Variants in SLC11A2 observed in about 807,000 individuals in gnomAD.
SLC11A2 encodes the protein natural resistance-associated macrophage protein 2.
Under a neutral mutation model 68.0 loss-of-function variants are expected in SLC11A2, and 38 were observed. The observed-to-expected ratio is 0.56, with a 90% CI of 0.43 to 0.73. The LOEUF (loss-of-function observed/expected upper bound fraction) is 0.73, where lower values mean the gene tolerates loss of function less well. Among genes scored for constraint, SLC11A2 ranks in the 30% least tolerant of loss-of-function variants. SLC11A2 has a pLI of 0.00. For synonymous variants in SLC11A2, 242 were observed against 250.6 expected (o/e 0.97, Z 0.32); for missense variants, 517 against 690.5 (o/e 0.75, Z 2.82).
chr12:50,993,992 C>CAAAAAAAAAAAAAAAAAAAAAAAA lies in SLC11A2; in HGVS notation c.1077+528_1077+551dup, dbSNP rs71663850. Among the ~76,000 whole-genome samples the CAAAAAAAAAAAAAAAAAAAAAAAA allele has an allele frequency of 1.2e-4, 6 of 48,400 alleles. 1 individual carries two copies. The highest frequency in any genetic ancestry group is 2.2e-4 in the Non-Finnish European group (6 of 27,356). The allele number at this position is 48,400 out of a possible 152,430, so 31.8% of individuals were successfully genotyped here. On this transcript the variant is annotated intron_variant, in intron 11 of 15. Transcript: ENST00000262052. ...GGGCAACAGAGCAAGACCTTGTCTC[C>CAAAAAAAAAAAAAAAAAAAAAAAA]AAAAAAAAAAAAAAAAAAAAAAAAA... is the stretch of plus-strand genomic sequence containing the variant.
intron 7 of SLC11A2, 50 bp downstream of exon 7, chr12:50,999,295 C>T (rs533955649): frequency 1.2e-6 from 2 of 1,608,418 alleles, no homozygotes; most frequent in Admixed American, 1.7e-5. Flanking sequence ...CCCCATCTGC[C>T]ACATGACAGA....
At chr12:50,969,835 ATG>A in the SLC11A2 span, among the ~76,000 whole-genome samples, 2 of 152,162 alleles carry the variant, frequency 1.3e-5, no homozygotes, top group Non-Finnish European at 2.9e-5. Flanking sequence ...TGGTGGTGGT[ATG>A]TGAGTTGTAG....
the SLC11A2 span, among the ~76,000 whole-genome samples, chr12:50,962,690 C>T: frequency 2.0e-5 from 3 of 152,144 alleles, no homozygotes; most frequent in Admixed American, 6.5e-5. Context: ...GAGCAAGACT[C>T]CATCTCAAAA....
At chr12:50,999,683 G>A (rs1318507329) in intron 6 of SLC11A2, 1 of 472,348 alleles carries the variant, frequency 2.1e-6, no homozygotes, top group African/African-American at 2.0e-5. Context: ...GAGTTAGACA[G>A]ATAGAATTTT....
intron 11 of SLC11A2, chr12:50,993,166 G>C: frequency 2.7e-6 from 1 of 376,128 alleles, no homozygotes; most frequent in Non-Finnish European, 4.8e-6. Context: ...TCTTCTCCAA[G>C]CTCCTAAACC....
intron 1 of SLC11A2, among the ~76,000 whole-genome samples, chr12:51,023,084 C>T (rs944372462): frequency 6.6e-6 from 1 of 152,176 alleles, no homozygotes; most frequent in African/African-American, 2.4e-5. Context: ...GCCTTGAAGG[C>T]TCTTCTTTGT....
chr12:51,025,937 C>T (rs1354285131), intron 1 of SLC11A2: 5 of 999,528 alleles, frequency 5.0e-6, no homozygotes, highest in Non-Finnish European at 6.0e-6. Context: ...TTGCCCTGTG[C>T]CCGTCGGCCT....
At chr12:51,008,710 T>C (rs992068263) in intron 2 of SLC11A2, 86 bp from the exon 3 acceptor site, 3 of 1,088,334 alleles carry the variant, frequency 2.8e-6, no homozygotes, top group Middle Eastern at 2.4e-4. Context: ...AATTAAATAG[T>C]TTAATATCTA....
rs1329440854 is a variant in SLC11A2 at position 50,987,155 on chromosome 12, T to C, written c.*1170A>G. 2 of 1,283,192 alleles carry C rather than the reference T, an allele frequency of 1.6e-6. No homozygotes were observed. The highest frequency in any genetic ancestry group is 3.0e-5 in the African/African-American group (2 of 65,692). 79.5% of individuals were successfully genotyped at this position (1,283,192 alleles called of 1,614,324 possible). A position where few individuals can be genotyped will look rare whatever the true frequency, so the allele number is the denominator to read the frequency against. Reference sequence around the variant, plus strand: ...CCTCTGACTCCAGAGCTCCACCATCTGGTCTCAAGATTTTTCCCTCTGAGG... The same window carrying C: ...CCTCTGACTCCAGAGCTCCACCATCCGGTCTCAAGATTTTTCCCTCTGAGG... On this transcript the variant is annotated 3_prime_UTR_variant, in exon 16 of 16. Coordinates refer to ENST00000262052, the MANE Select transcript of SLC11A2 (RefSeq NM_000617.3).
the SLC11A2 span, among the ~76,000 whole-genome samples, chr12:50,974,337 G>A: frequency 1.3e-5 from 2 of 152,004 alleles, no homozygotes; most frequent in African/African-American, 2.4e-5. Context: ...CCAATATTCA[G>A]CATTCTTAAA....
rs530010853 is a variant in SLC11A2, at chr12:51,026,270, G to T, written c.-39+40C>A. The T allele has an allele frequency of 8.9e-5, 107 of 1,208,032 alleles. 1 individual carries two copies. The African/African-American group carries it at 1.5e-3, about 17-fold the overall frequency. 74.8% of individuals were successfully genotyped at this position (1,208,032 alleles called of 1,614,324 possible). ...CCGCCCCGCGCCCCTCCCTGCCAGC[G>T]AGCGGAATGCCGTGACCCCTGACCT... On this transcript the variant is annotated intron_variant, in intron 1 of 15. Transcript: ENST00000262052.
intron 1 of SLC11A2, among the ~76,000 whole-genome samples, chr12:51,020,425 G>A (rs576997129): frequency 6.6e-6 from 1 of 152,250 alleles, no homozygotes; most frequent in South Asian, 2.1e-4. Flanking sequence ...ATGGTAAACA[G>A]TGAAAAGCCC....
intron 8 of SLC11A2, 120 bp from the exon 9 acceptor site, chr12:50,997,092 T>A: frequency 1.2e-6 from 1 of 821,568 alleles, no homozygotes; most frequent in Non-Finnish European, 2.0e-6. Flanking sequence ...TTTTTATATT[T>A]TTTGAGATAG....
At chr12:50,972,689 G>A in the SLC11A2 span, among the ~76,000 whole-genome samples, 864 of 152,360 alleles carry the variant, frequency 5.7e-3, 7 homozygotes, top group Non-Finnish European at 7.7e-3. Flanking sequence ...GAAGCAGGGC[G>A]AGGCATCGCC....
chr12:50,961,923 T>C, the SLC11A2 span, among the ~76,000 whole-genome samples: 4 of 152,204 alleles, frequency 2.6e-5, no homozygotes, highest in Non-Finnish European at 4.4e-5. Context: ...TACTACAAAG[T>C]TACAGTCCTC....
chr12:50,986,887 T>G lies in SLC11A2; in HGVS notation c.*1438A>C. 1.6e-6 allele frequency: 2 copies of G among 1,287,186 alleles called. No homozygotes were observed. The highest frequency in any genetic ancestry group is 2.0e-6 in the Non-Finnish European group (2 of 988,694). The allele number at this position is 1,287,186 out of a possible 1,614,324, so 79.7% of individuals were successfully genotyped here. On this transcript the variant is annotated 3_prime_UTR_variant, in exon 16 of 16. Transcript: ENST00000262052. ...TATCAGTAATAATGCTTTTGGGGGC[T>G]CAGATGAACAGCGAACACCAATCAG...
downstream of SLC11A2, chr12:50,979,372 T>A (rs1198569171): frequency 6.2e-6 from 1 of 160,396 alleles, no homozygotes; most frequent in East Asian, 1.8e-4. Flanking sequence ...CTATAGAAAT[T>A]CCATAAGTAC....
At chr12:51,000,578 C>G (rs1942114853) in intron 5 of SLC11A2, 159 bp from the exon 6 acceptor site, 5 of 671,850 alleles carry the variant, frequency 7.4e-6, no homozygotes, top group South Asian at 6.7e-5. Flanking sequence ...CTTGGCCGAT[C>G]ACTGCACTGT....
the SLC11A2 span, among the ~76,000 whole-genome samples, chr12:50,974,091 C>T: frequency 2.0e-5 from 3 of 152,054 alleles, no homozygotes; most frequent in Non-Finnish European, 4.4e-5. Context: ...GAGAACTTCC[C>T]CAACCTAGCA....
Sources: gnomAD v4.1 joint callset for allele counts (sites outside exome capture counted in the v4.1 genomes callset) on GRCh38, gnomAD v4.1.1 for gene constraint, MANE v1.5 for transcripts, NCBI Gene and HGNC (gene_info 2026-07-23, HGNC 2026-07-21) for gene names.